Variants in CAMK2B observed in about 807,000 individuals in gnomAD.
CAMK2B encodes the protein calcium/calmodulin dependent protein kinase II beta, also known as calcium/calmodulin-dependent protein kinase type II subunit beta.
Under a neutral mutation model 93.7 loss-of-function variants are expected in CAMK2B, and 27 were observed. That is an observed-to-expected ratio of 0.29 (90% confidence interval 0.21 to 0.40). CAMK2B has a LOEUF of 0.40. Ranked by LOEUF, CAMK2B falls within the 10% of genes least tolerant of loss-of-function variation. The probability of loss-of-function intolerance (pLI) is 1.00; values close to 1 mark genes in which losing one functional copy is unlikely to be tolerated. For synonymous variants in CAMK2B, 374 were observed against 358.8 expected, an observed-to-expected ratio of 1.04 and a Z score of -0.48; for missense variants, 568 against 895.8, an observed-to-expected ratio of 0.63 and a Z score of 4.67.
chr7:44,278,073 G>C (rs2097065545), intron 2 of CAMK2B, among the ~76,000 whole-genome samples: 1 of 152,224 alleles, frequency 6.6e-6, no homozygotes, highest in South Asian at 2.1e-4. Flanking sequence ...GGAGCACATG[G>C]TCAGTTGAGA....
chr7:44,265,991 A>C (rs1306249198), intron 2 of CAMK2B, among the ~76,000 whole-genome samples: 4 of 151,808 alleles, frequency 2.6e-5, no homozygotes, highest in African/African-American at 9.7e-5. Flanking sequence ...TTATTCGTTA[A>C]CTTCCCCTCC....
At chr7:44,270,491 A>C (rs1468823150) in intron 2 of CAMK2B, among the ~76,000 whole-genome samples, 4 of 152,194 alleles carry the variant, frequency 2.6e-5, no homozygotes, top group Non-Finnish European at 5.9e-5. Flanking sequence ...CTCTGACCCA[A>C]GCCTGAGGCT....
intron 20 of CAMK2B, among the ~76,000 whole-genome samples, chr7:44,226,268 C>T (rs1404115364): frequency 2.6e-5 from 4 of 152,174 alleles, no homozygotes; most frequent in Non-Finnish European, 4.4e-5. Context: ...GGGTCGGCAA[C>T]AAACCTGCTC....
At chr7:44,246,927 G>GACATGCACACACATAC (rs761879209) in intron 6 of CAMK2B, among the ~76,000 whole-genome samples, 193 bp downstream of exon 6, 258 of 151,488 alleles carry the variant, frequency 1.7e-3, no homozygotes, top group Non-Finnish European at 3.1e-3. Context: ...ATCCACACAG[G>GACATGCACACACATAC]ACATGCACAC....
rs983927018 is a variant in CAMK2B at position 44,252,601 on chromosome 7, G to T, written c.341+1941C>A. 1.1e-4 allele frequency among the ~76,000 whole-genome samples: 17 copies of T among 152,046 alleles called. No homozygotes were observed. The East Asian group carries it at 3.1e-3, about 28-fold the overall frequency. ...CTCCTGAACCCTAGCTGTGGGATCC[G>T]ATCTGCTGATGGGAGGCTCTAGGAG... is the stretch of plus-strand genomic sequence containing the variant. On this transcript the variant is annotated intron_variant, in intron 5 of 23. Coordinates refer to ENST00000395749, the MANE Select transcript of CAMK2B (RefSeq NM_001220.5).
chr7:44,270,582 C>T (rs868095079), intron 2 of CAMK2B, among the ~76,000 whole-genome samples: 18 of 152,344 alleles, frequency 1.2e-4, no homozygotes, highest in African/African-American at 3.1e-4. Context: ...GGATGTGGCA[C>T]GCCACCAAGG....
At chr7:44,301,099 T>C (rs982732162) in intron 1 of CAMK2B, among the ~76,000 whole-genome samples, 1 of 152,134 alleles carries the variant, frequency 6.6e-6, no homozygotes, top group African/African-American at 2.4e-5. Flanking sequence ...CTTATCAAAA[T>C]TTATGGAATG....
chr7:44,304,340 C>T (rs1364039651), intron 1 of CAMK2B, among the ~76,000 whole-genome samples: 1 of 152,202 alleles, frequency 6.6e-6, no homozygotes, highest in African/African-American at 2.4e-5. Context: ...TTGGAAGGAA[C>T]CAAGATGTCC....
Position 44,220,905 on chromosome 7 carries a change from T to C in CAMK2B, c.1598-4A>G, listed in dbSNP as rs2128862710. The C allele has an allele frequency of 1.3e-6, 2 of 1,560,120 alleles. No homozygotes were observed. The highest frequency in any genetic ancestry group is 1.7e-6 in the Non-Finnish European group (2 of 1,151,306). The stretch of plus-strand genomic sequence containing the variant: ...TTAATGATCTCCTGCTTCCGGGCTG[T>C]GGGGAGACATGGCCAGGTGACCACT... On this transcript the variant is annotated splice_polypyrimidine_tract_variant and splice_region_variant and intron_variant, in intron 20 of 23. Transcript: ENST00000395749.
chr7:44,247,245 G>A, intron 5 of CAMK2B, 53 bp from the exon 6 acceptor site: 1 of 1,465,350 alleles, frequency 6.8e-7, no homozygotes, highest in East Asian at 2.3e-5. Flanking sequence ...AGCAGCAAGA[G>A]GAGGCACTGG....
chr7:44,228,694 G>A, intron 19 of CAMK2B, 102 bp downstream of exon 19: 1 of 1,148,512 alleles, frequency 8.7e-7, no homozygotes. Context: ...CGCCGGGGCA[G>A]GGTAGCTGGG....
intron 6 of CAMK2B, among the ~76,000 whole-genome samples, chr7:44,245,738 C>T (rs1027039685): frequency 1.9e-4 from 29 of 152,016 alleles, no homozygotes; most frequent in Non-Finnish European, 4.0e-4. Context: ...GAGAGGGTCC[C>T]GGATCTGCTC....
At chr7:44,278,454 G>A (rs1040469838) in intron 2 of CAMK2B, among the ~76,000 whole-genome samples, 4 of 152,184 alleles carry the variant, frequency 2.6e-5, no homozygotes, top group Non-Finnish European at 5.9e-5. Context: ...GTGTCCCACA[G>A]TGAAGCTCTG....
At chr7:44,316,807 T>G (rs1053765852) in intron 1 of CAMK2B, among the ~76,000 whole-genome samples, 1 of 152,224 alleles carries the variant, frequency 6.6e-6, no homozygotes, top group African/African-American at 2.4e-5. Flanking sequence ...CACATAATTA[T>G]TCATAGTTAT....
chr7:44,227,954 G>A (rs1486586533), intron 19 of CAMK2B, among the ~76,000 whole-genome samples: 1 of 143,318 alleles, frequency 7.0e-6, no homozygotes, highest in Non-Finnish European at 1.5e-5. Flanking sequence ...GGGATATGGG[G>A]GGACGGAGGG....
At chr7:44,298,159 A>C (rs926418008) in intron 1 of CAMK2B, among the ~76,000 whole-genome samples, 7 of 152,174 alleles carry the variant, frequency 4.6e-5, no homozygotes, top group Admixed American at 4.6e-4. Flanking sequence ...AATACAAAAC[A>C]ATAATCAAAA....
chr7:44,281,661 C>T (rs1021943514), intron 2 of CAMK2B, among the ~76,000 whole-genome samples: 1 of 152,166 alleles, frequency 6.6e-6, no homozygotes, highest in Admixed American at 6.5e-5. Context: ...CTTGGTCACA[C>T]CCATAATGAC....
chr7:44,287,365 A>G (rs1785427425), intron 1 of CAMK2B, among the ~76,000 whole-genome samples: 2 of 152,178 alleles, frequency 1.3e-5, no homozygotes, highest in Admixed American at 1.3e-4. Flanking sequence ...GAGCACCCTG[A>G]AAGGTGCTCC....
At chr7:44,267,614 C>T (rs936217780) in intron 2 of CAMK2B, among the ~76,000 whole-genome samples, 5 of 152,076 alleles carry the variant, frequency 3.3e-5, no homozygotes, top group Non-Finnish European at 7.4e-5. Context: ...CATGCGCACA[C>T]GTGTGTACAC....
Sources: gnomAD v4.1 joint callset for allele counts (sites outside exome capture counted in the v4.1 genomes callset) on GRCh38, gnomAD v4.1.1 for gene constraint, MANE v1.5 for transcripts, NCBI Gene and HGNC (gene_info 2026-07-23, HGNC 2026-07-21) for gene names.